The following NGLY1 variants were observed in gnomAD, a reference collection of about 807,000 sequenced individuals.
NGLY1 encodes N-glycanase 1.
A neutral mutation model predicts 84.6 loss-of-function variants in NGLY1; 68 were observed. The ratio of observed to expected loss-of-function variants is 0.80; its 90% CI spans 0.66 to 0.98. The LOEUF is 0.98. Ranked by LOEUF, NGLY1 falls within the 50% of genes least tolerant of loss-of-function variation. The probability of loss-of-function intolerance (pLI) is 0.00; values close to 1 mark genes in which losing one functional copy is unlikely to be tolerated. For missense variants in NGLY1, 779 were observed against 770.2 expected (o/e 1.01, Z -0.14); for synonymous variants, 280 against 275.2 (o/e 1.02, Z -0.17).
At chr3:25,731,665 T>G (rs1438549745) in intron 9 of NGLY1, among the ~76,000 whole-genome samples, 1 of 152,122 alleles carries the variant, frequency 6.6e-6, no homozygotes, top group Non-Finnish European at 1.5e-5. Flanking sequence ...CAGCACCATT[T>G]ATATCAGCCA....
intron 2 of NGLY1, among the ~76,000 whole-genome samples, chr3:25,768,112 CAAAA>C (rs1165791295): frequency 4.1e-5 from 2 of 49,148 alleles, no homozygotes; most frequent in South Asian, 8.4e-4. Context: ...GACTCCATCT[CAAAA>C]AAAAAAAAAA....
intron 4 of NGLY1, among the ~76,000 whole-genome samples, chr3:25,740,866 G>C (rs3947578): frequency 0.82 from 123,883 of 151,972 alleles, 50,886 homozygotes; most frequent in East Asian, 0.94. Flanking sequence ...GCGGCTCACA[G>C]CTCTAATCCC....
intron 1 of NGLY1, among the ~76,000 whole-genome samples, chr3:25,780,275 G>A (rs967194231): frequency 1.3e-5 from 2 of 152,110 alleles, no homozygotes; most frequent in African/African-American, 2.4e-5. Flanking sequence ...CAGAACATTC[G>A]CATTCCTGGC....
chr3:25,762,460 G>A (rs1707364589), intron 3 of NGLY1, among the ~76,000 whole-genome samples: 1 of 152,184 alleles, frequency 6.6e-6, no homozygotes, highest in South Asian at 2.1e-4. Context: ...GATATTTTGT[G>A]TGAAGGACTA....
intron 4 of NGLY1, among the ~76,000 whole-genome samples, chr3:25,743,968 C>T (rs780020588): frequency 1.4e-4 from 21 of 152,074 alleles, no homozygotes; most frequent in Non-Finnish European, 2.4e-4. Context: ...ATAAGGGAAG[C>T]CTGATTTAGA....
intron 1 of NGLY1, among the ~76,000 whole-genome samples, chr3:25,789,078 C>G (rs934775095): frequency 9.9e-5 from 15 of 152,202 alleles, no homozygotes; most frequent in Non-Finnish European, 1.0e-4. Flanking sequence ...AAGGACAAAA[C>G]TCACGCCTGG....
chr3:25,766,464 G>A (rs1384414000), intron 2 of NGLY1, among the ~76,000 whole-genome samples: 4 of 152,136 alleles, frequency 2.6e-5, no homozygotes, highest in Admixed American at 6.5e-5. Flanking sequence ...GACCTTAATC[G>A]TTATGCTATA....
intron 3 of NGLY1, among the ~76,000 whole-genome samples, chr3:25,756,620 A>G (rs1430381870): frequency 6.6e-6 from 1 of 152,244 alleles, no homozygotes; most frequent in African/African-American, 2.4e-5. Context: ...GACCTAGGCA[A>G]AACCAATGAA....
chr3:25,757,146 T>C (rs538398497), intron 3 of NGLY1, among the ~76,000 whole-genome samples: 1 of 152,310 alleles, frequency 6.6e-6, no homozygotes, highest in East Asian at 1.9e-4. Flanking sequence ...ATGTCTCAAA[T>C]GTCTCATCAG....
At position 25,761,017 on chromosome 3, in the gene NGLY1, TATC is replaced by T. The variant is rs1376745485; in HGVS notation, c.492+3046_492+3048del. 9.2e-5 allele frequency among the ~76,000 whole-genome samples: 14 copies of T among 152,248 alleles called. No individual in the cohort carries two copies. The East Asian group carries it at 2.7e-3, about 29-fold the overall frequency. On this transcript the variant is annotated intron_variant, in intron 3 of 11. Coordinates refer to ENST00000280700, the MANE Select transcript of NGLY1 (RefSeq NM_018297.4). ...AAATTAACTAGTTCGTTTTATTATTTATCATTATCTGATAATATATGACTTTTA... is the reference window on the plus strand; with the variant it reads ...AAATTAACTAGTTCGTTTTATTATTTATTATCTGATAATATATGACTTTTA...
chr3:25,745,811 CAG>C (rs995078928), intron 4 of NGLY1, among the ~76,000 whole-genome samples: 1 of 152,156 alleles, frequency 6.6e-6, no homozygotes, highest in Non-Finnish European at 1.5e-5. Flanking sequence ...TGATGTCACT[CAG>C]AGTTTCAATA....
At position 25,750,041 on chromosome 3, in the gene NGLY1, T is replaced by C. The variant is rs142172753; in HGVS notation, c.658+1057A>G. On this transcript the variant is annotated intron_variant, in intron 4 of 11. Transcript: ENST00000280700. ...CTATGATGAAATACCTGCAACTGGG[T>C]AATTTATAAAGAAGAGGTTTAATTG... 1,471 of 492,012 alleles carry C rather than the reference T, an allele frequency of 3.0e-3. 19 individuals carry two copies. Among genetic ancestry groups the C allele is most frequent in the African/African-American group, 0.027 (1,375 of 50,092 alleles). 30.5% of individuals were successfully genotyped at this position (492,012 alleles called of 1,614,324 possible). A position where few individuals can be genotyped will look rare whatever the true frequency, so the allele number is the denominator to read the frequency against.
At chr3:25,755,278 A>G (rs1706982045) in intron 3 of NGLY1, 9 of 1,369,324 alleles carry the variant, frequency 6.6e-6, no homozygotes, top group Non-Finnish European at 1.0e-6. Flanking sequence ...CACCTGATAG[A>G]TACTGCTTAA....
At chr3:25,789,828 GA>G (rs1486085048) in intron 1 of NGLY1, 1 of 1,551,320 alleles carries the variant, frequency 6.4e-7, no homozygotes, top group South Asian at 1.2e-5. Flanking sequence ...CACTGCCAAA[GA>G]AAAATGCCTT....
At chr3:25,743,034 A>G (rs1390231268) in intron 4 of NGLY1, among the ~76,000 whole-genome samples, 1 of 152,176 alleles carries the variant, frequency 6.6e-6, no homozygotes, top group African/African-American at 2.4e-5. Context: ...ACACACAGAG[A>G]AGGCAATGTG....
intron 9 of NGLY1, chr3:25,730,548 G>A (rs2125462420): frequency 6.6e-6 from 1 of 152,274 alleles, no homozygotes; most frequent in East Asian, 1.9e-4. Context: ...ATTGAACACA[G>A]CTGCGAATTA....
intron 4 of NGLY1, chr3:25,749,342 A>G: frequency 1.8e-6 from 1 of 551,312 alleles, no homozygotes; most frequent in Non-Finnish European, 3.2e-6. Context: ...TATTGAAACA[A>G]CCCAAGTATC....
At chr3:25,719,879 T>TA (rs1339801055) in intron 11 of NGLY1, 135 bp downstream of exon 11, 1 of 717,252 alleles carries the variant, frequency 1.4e-6, no homozygotes. Context: ...CAGGGTTTAT[T>TA]AAATTTTTTT....
chr3:25,783,488 GGGCGGGGTCCTCGGCCGGC>G (rs1708524500), upstream of NGLY1: 1 of 1,169,434 alleles, frequency 8.6e-7, no homozygotes, highest in East Asian at 4.7e-5. This position sits in a 1 kb window ranked among gnomAD's most constrained non-coding sequence, Gnocchi z 4.5. Flanking sequence ...CCACCGGCAG[GGGCGGGGTCCTCGGCCGGC>G]AGGGGCGGGG....
Sources: gnomAD v4.1 joint callset for allele counts (sites outside exome capture counted in the v4.1 genomes callset) on GRCh38, gnomAD v4.1.1 for gene constraint, Gnocchi (gnomAD v3.1) non-coding constraint, MANE v1.5 for transcripts, NCBI Gene and HGNC (gene_info 2026-07-23, HGNC 2026-07-21) for gene names.